The following STK3 variants were observed in gnomAD, a reference collection of about 807,000 sequenced individuals.
STK3 encodes serine/threonine kinase 3, also known as serine/threonine-protein kinase 3.
Under a neutral mutation model 58.0 loss-of-function variants are expected in STK3, and 41 were observed. The observed-to-expected ratio is 0.71, with a 90% confidence interval of 0.55 to 0.92. The LOEUF (loss-of-function observed/expected upper bound fraction) is 0.92, where lower values mean the gene tolerates loss of function less well. Ranked by LOEUF, STK3 falls within the 40% of genes least tolerant of loss-of-function variation. The pLI is 0.00. For missense variants in STK3, 479 were observed against 602.7 expected, an observed-to-expected ratio of 0.79 and a Z score of 2.15; for synonymous variants, 170 against 191.0, an observed-to-expected ratio of 0.89 and a Z score of 0.91.
At chr8:98,529,585 G>A (rs996228979) in intron 9 of STK3, among the ~76,000 whole-genome samples, 4 of 152,050 alleles carry the variant, frequency 2.6e-5, no homozygotes, top group Non-Finnish European at 4.4e-5. Flanking sequence ...GTATATATCC[G>A]GAACTGAAAG....
chr8:98,618,956 A>C (rs1279659060), intron 6 of STK3, among the ~76,000 whole-genome samples: 3 of 150,006 alleles, frequency 2.0e-5, no homozygotes, highest in African/African-American at 7.4e-5. Flanking sequence ...CAGAATTGGA[A>C]AAAACTACTT....
At chr8:98,844,528 C>A (rs1272726268) in intron 3 of STK3, among the ~76,000 whole-genome samples, 1 of 152,120 alleles carries the variant, frequency 6.6e-6, no homozygotes, top group Non-Finnish European at 1.5e-5. Flanking sequence ...TGCCTTGGTG[C>A]AATCTCGGTT....
At chr8:98,580,074 G>C (rs1296689311) in intron 7 of STK3, among the ~76,000 whole-genome samples, 2 of 152,012 alleles carry the variant, frequency 1.3e-5, no homozygotes, top group Non-Finnish European at 2.9e-5. Context: ...TCCAAAGGAA[G>C]TGTACATTAG....
At chr8:98,538,331 T>C (rs768925593) in intron 9 of STK3, among the ~76,000 whole-genome samples, 7 of 152,200 alleles carry the variant, frequency 4.6e-5, no homozygotes, top group Non-Finnish European at 8.8e-5. Flanking sequence ...CCATACTGTA[T>C]TTTAAAACAA....
chr8:98,708,555 C>T (rs776435921), intron 4 of STK3, among the ~76,000 whole-genome samples: 3 of 151,946 alleles, frequency 2.0e-5, no homozygotes, highest in South Asian at 4.2e-4. Context: ...TAGAGAAGGC[C>T]GAGGAAGAGA....
intron 6 of STK3, among the ~76,000 whole-genome samples, chr8:98,679,319 T>G (rs1823454766): frequency 6.6e-6 from 1 of 152,174 alleles, no homozygotes; most frequent in Non-Finnish European, 1.5e-5. Context: ...CCACAGAACT[T>G]GCAGTAAGTT....
chr8:98,936,062 C>T (rs1840183181), intron 1 of STK3, among the ~76,000 whole-genome samples: 1 of 151,998 alleles, frequency 6.6e-6, no homozygotes, highest in Non-Finnish European at 1.5e-5. Context: ...ACTACAGGTG[C>T]CCGCCACCAC....
chr8:98,862,432 T>C (rs1302776202), intron 3 of STK3, among the ~76,000 whole-genome samples: 1 of 152,202 alleles, frequency 6.6e-6, no homozygotes, highest in Non-Finnish European at 1.5e-5. Flanking sequence ...GCACAGTATA[T>C]CCAACACGGG....
chr8:98,637,703 T>C lies in STK3; in HGVS notation c.685-41534A>G, dbSNP rs1022036526. 4.6e-5 allele frequency among the ~76,000 whole-genome samples: 7 copies of C among 152,308 alleles called. No individual in the cohort carries two copies. The East Asian group carries it at 1.3e-3, about 29-fold the overall frequency. ...GGAATCTGCACAATGTCTAAAAAAG[T>C]ATAATAATCCTTTTTAACCAATTTT... On this transcript the variant is annotated intron_variant, in intron 6 of 10. Transcript: ENST00000419617.
chr8:98,696,017 G>C (rs1294820650), intron 6 of STK3, among the ~76,000 whole-genome samples: 1,648 of 151,970 alleles, frequency 0.011, 22 homozygotes, highest in African/African-American at 0.037. Context: ...TCTTCCATTT[G>C]TTTGTATCCT....
intron 3 of STK3, chr8:98,431,157 C>T (rs1818319932): frequency 2.4e-5 from 4 of 167,056 alleles, no homozygotes. Flanking sequence ...TGATACTTAC[C>T]TCATTGGAGG....
At chr8:98,561,540 T>A (rs1297377653) in intron 8 of STK3, among the ~76,000 whole-genome samples, 2 of 152,092 alleles carry the variant, frequency 1.3e-5, no homozygotes, top group Non-Finnish European at 2.9e-5. Context: ...TGGTGGCTCA[T>A]GCCTGGTAAT....
intron 6 of STK3, among the ~76,000 whole-genome samples, chr8:98,704,413 G>C (rs1825820957): frequency 6.6e-6 from 1 of 152,106 alleles, no homozygotes; most frequent in Non-Finnish European, 1.5e-5. Flanking sequence ...GGCAACACTT[G>C]ATTAACTGTC....
intron 8 of STK3, among the ~76,000 whole-genome samples, chr8:98,579,110 C>T (rs1813649718): frequency 6.6e-6 from 1 of 151,956 alleles, no homozygotes. Flanking sequence ...AAGATCGTGC[C>T]ACTGTACTCC....
intron 2 of STK3, among the ~76,000 whole-genome samples, chr8:98,434,864 A>G (rs1818429784): frequency 4.6e-5 from 7 of 152,236 alleles, no homozygotes. Context: ...GCAGAGAAGA[A>G]AGAAGGGAAA....
At chr8:98,414,906 G>C (rs901091572) in intron 3 of STK3, among the ~76,000 whole-genome samples, 1 of 152,216 alleles carries the variant, frequency 6.6e-6, no homozygotes, top group Non-Finnish European at 1.5e-5. Context: ...ATCATCACTT[G>C]TAGGAGAGAT....
At chr8:98,586,493 G>T (rs1280668570) in intron 7 of STK3, among the ~76,000 whole-genome samples, 17 of 149,644 alleles carry the variant, frequency 1.1e-4, no homozygotes, top group East Asian at 3.9e-4. Context: ...GCTGGATTCG[G>T]TTTGCCAGTA....
intron 3 of STK3, among the ~76,000 whole-genome samples, chr8:98,852,474 G>A (rs1339113671): frequency 6.6e-6 from 1 of 152,150 alleles, no homozygotes; most frequent in East Asian, 1.9e-4. Flanking sequence ...GGACTTTCAA[G>A]TAAAAACACC....
chr8:98,555,057 C>T (rs1811490854), intron 8 of STK3, among the ~76,000 whole-genome samples: 2 of 152,026 alleles, frequency 1.3e-5, no homozygotes, highest in Admixed American at 6.6e-5. Flanking sequence ...AATCAGTGGC[C>T]ATCATGTGCC....
Sources: gnomAD v4.1 joint callset for allele counts (sites outside exome capture counted in the v4.1 genomes callset) on GRCh38, gnomAD v4.1.1 for gene constraint, MANE v1.5 for transcripts, NCBI Gene and HGNC (gene_info 2026-07-23, HGNC 2026-07-21) for gene names.